Variants in KIAA1217 observed in about 807,000 individuals in gnomAD.
KIAA1217 encodes KIAA1217.
Under a neutral mutation model 163.9 loss-of-function variants are expected in KIAA1217, and 88 were observed. The ratio of observed to expected loss-of-function variants is 0.54; its 90% CI spans 0.45 to 0.64. The LOEUF (loss-of-function observed/expected upper bound fraction) is 0.64, where lower values mean the gene tolerates loss of function less well. Among genes scored for constraint, KIAA1217 ranks in the 30% least tolerant of loss-of-function variants. The pLI, the probability that KIAA1217 is intolerant of heterozygous loss-of-function variation, is 0.00. For synonymous variants in KIAA1217, 903 were observed against 923.1 expected, an observed-to-expected ratio of 0.98 and a Z score of 0.39; for missense variants, 2,372 against 2,475.0, an observed-to-expected ratio of 0.96 and a Z score of 0.88.
At chr10:23,850,465 AACAG>A (rs1440394012) in intron 1 of KIAA1217, among the ~76,000 whole-genome samples, 2 of 152,128 alleles carry the variant, frequency 1.3e-5, no homozygotes, top group Non-Finnish European at 2.9e-5. Context: ...CAGAAATGCA[AACAG>A]GGAGAGGATG....
At chr10:24,159,611 CA>C (rs11307905) in intron 2 of KIAA1217, among the ~76,000 whole-genome samples, 104,171 of 147,572 alleles carry the variant, frequency 0.71, 36,671 homozygotes, top group Middle Eastern at 0.75. Flanking sequence ...AACCCCGTCT[CA>C]AAAAAAAAAA....
chr10:23,697,514 C>T (rs1351962673), intron 1 of KIAA1217, among the ~76,000 whole-genome samples: 1 of 152,022 alleles, frequency 6.6e-6, no homozygotes, highest in East Asian at 1.9e-4. Flanking sequence ...CCCTCCACCC[C>T]CTGCCAAATT....
chr10:24,119,719 G>A (rs1378873395), intron 2 of KIAA1217, among the ~76,000 whole-genome samples: 1 of 152,130 alleles, frequency 6.6e-6, no homozygotes, highest in Non-Finnish European at 1.5e-5. Flanking sequence ...CTACCCTCTC[G>A]TCCTTATATA....
At chr10:23,744,295 G>A (rs1271657086) in intron 1 of KIAA1217, among the ~76,000 whole-genome samples, 1 of 152,136 alleles carries the variant, frequency 6.6e-6, no homozygotes, top group Admixed American at 6.5e-5. Context: ...TAACATTTGG[G>A]TGACCCCAGA....
chr10:24,339,983 G>T (rs982985821), intron 2 of KIAA1217, among the ~76,000 whole-genome samples: 1 of 152,142 alleles, frequency 6.6e-6, no homozygotes, highest in Non-Finnish European at 1.5e-5. Flanking sequence ...GAATTCCAAG[G>T]ATTTAGAGTG....
At chr10:24,526,484 A>G (rs2072207008) in intron 13 of KIAA1217, among the ~76,000 whole-genome samples, 1 of 152,216 alleles carries the variant, frequency 6.6e-6, no homozygotes, top group South Asian at 2.1e-4. Flanking sequence ...CATTTAAAGG[A>G]TGTCAGTATG....
intron 5 of KIAA1217, among the ~76,000 whole-genome samples, chr10:24,443,263 C>A (rs1425170545): frequency 6.6e-6 from 1 of 152,032 alleles, no homozygotes; most frequent in Non-Finnish European, 1.5e-5. Context: ...TATAAGCCCC[C>A]CTGTTTACAG....
intron 2 of KIAA1217, among the ~76,000 whole-genome samples, chr10:24,045,919 A>AT (rs1042523799): frequency 2.0e-5 from 3 of 152,064 alleles, no homozygotes; most frequent in Admixed American, 2.0e-4. Context: ...CCTATGGAGA[A>AT]TTTTTTCATG....
intron 1 of KIAA1217, among the ~76,000 whole-genome samples, chr10:23,947,321 G>A (rs1453595646): frequency 6.6e-6 from 1 of 152,142 alleles, no homozygotes; most frequent in Non-Finnish European, 1.5e-5. Context: ...AGCTTCCAAA[G>A]AACCTTTGTT....
chr10:23,734,858 G>A (rs1003594853), intron 1 of KIAA1217, among the ~76,000 whole-genome samples: 2 of 151,848 alleles, frequency 1.3e-5, no homozygotes, highest in Non-Finnish European at 2.9e-5. Context: ...CGTTATATAG[G>A]TGAACTTGTG....
chr10:24,531,581 A>G (rs995943412), intron 14 of KIAA1217, among the ~76,000 whole-genome samples: 1 of 152,184 alleles, frequency 6.6e-6, no homozygotes, highest in Non-Finnish European at 1.5e-5. Context: ...GACACCCCAG[A>G]GGAAAGTATA....
intron 1 of KIAA1217, among the ~76,000 whole-genome samples, chr10:23,724,004 C>T (rs1351873214): frequency 6.6e-6 from 1 of 152,258 alleles, no homozygotes; most frequent in East Asian, 1.9e-4. Context: ...TCTTACATGA[C>T]AGGAGCAGAG....
chr10:24,001,849 T>C (rs565261651), intron 1 of KIAA1217, among the ~76,000 whole-genome samples: 4 of 152,288 alleles, frequency 2.6e-5, no homozygotes, highest in Non-Finnish European at 5.9e-5. Flanking sequence ...GAGTTTGCTA[T>C]GGTTTTCACA....
chr10:24,402,169 T>C (rs1187751673), intron 3 of KIAA1217, among the ~76,000 whole-genome samples: 1 of 152,206 alleles, frequency 6.6e-6, no homozygotes, highest in Non-Finnish European at 1.5e-5. Context: ...ACAGCAAGTT[T>C]TTTTTGTAAA....
intron 1 of KIAA1217, among the ~76,000 whole-genome samples, chr10:23,823,913 G>A (rs1189800772): frequency 6.6e-6 from 1 of 151,784 alleles, no homozygotes; most frequent in African/African-American, 2.4e-5. Flanking sequence ...AGACAAAGAG[G>A]GAGGAAGAAG....
intron 2 of KIAA1217, among the ~76,000 whole-genome samples, chr10:24,364,432 T>G (rs2134314371): frequency 6.6e-6 from 1 of 152,332 alleles, no homozygotes; most frequent in South Asian, 2.1e-4. Flanking sequence ...GGCTCAAAAC[T>G]TTCCACACAG....
At chr10:24,182,959 G>C (rs1430949108) in intron 2 of KIAA1217, among the ~76,000 whole-genome samples, 1 of 152,148 alleles carries the variant, frequency 6.6e-6, no homozygotes, top group Non-Finnish European at 1.5e-5. Flanking sequence ...TTAGGAGATG[G>C]GATATAGTGA....
intron 2 of KIAA1217, among the ~76,000 whole-genome samples, chr10:24,164,072 A>G (rs1261986820): frequency 2.0e-5 from 3 of 152,222 alleles, no homozygotes; most frequent in Admixed American, 1.3e-4. Flanking sequence ...CCTACCATAT[A>G]TAGAGTAGAC....
intron 3 of KIAA1217, among the ~76,000 whole-genome samples, chr10:24,389,868 C>G (rs955687477): frequency 6.6e-6 from 1 of 151,840 alleles, no homozygotes; most frequent in African/African-American, 2.4e-5. Flanking sequence ...TCCCAGGGCA[C>G]GGCCACCAGC....
Sources: allele counts gnomAD v4.1 joint callset (sites outside exome capture counted in the v4.1 genomes callset), GRCh38; gene constraint gnomAD v4.1.1; transcripts MANE v1.5; gene names NCBI Gene and HGNC (gene_info 2026-07-23, HGNC 2026-07-21).